Variants in ANKS1B observed in about 807,000 individuals in gnomAD.
ANKS1B encodes the protein ankyrin repeat and sterile alpha motif domain containing 1B.
In ANKS1B, 36 loss-of-function variants were observed where a neutral mutation model predicts 148.3. The observed-to-expected ratio is 0.24, with a 90% CI of 0.19 to 0.32. The LOEUF is 0.32. Ranked by LOEUF, ANKS1B falls within the 10% of genes least tolerant of loss-of-function variation. The pLI is 1.00. For synonymous variants in ANKS1B, 542 were observed against 560.8 expected (o/e 0.97, Z 0.47); for missense variants, 1,157 against 1,542.6 (o/e 0.75, Z 4.19).
intron 11 of ANKS1B, among the ~76,000 whole-genome samples, chr12:99,423,008 G>A (rs918158393): frequency 6.6e-6 from 1 of 152,162 alleles, no homozygotes; most frequent in African/African-American, 2.4e-5. Context: ...GCAAAGTATT[G>A]AGGTAATTCC....
At chr12:98,769,287 C>G (rs2098537023) in intron 25 of ANKS1B, among the ~76,000 whole-genome samples, 1 of 136,564 alleles carries the variant, frequency 7.3e-6, no homozygotes, top group Non-Finnish European at 1.5e-5. Context: ...CATAAGGATA[C>G]AAAATCCATG....
At chr12:98,754,886 T>C (rs540043715) in intron 25 of ANKS1B, among the ~76,000 whole-genome samples, 1 of 152,360 alleles carries the variant, frequency 6.6e-6, no homozygotes, top group Non-Finnish European at 1.5e-5. Context: ...CCTAATGGCT[T>C]CTTCTGGTTC....
chr12:98,789,946 G>C (rs1342747674), intron 22 of ANKS1B, among the ~76,000 whole-genome samples: 3 of 152,102 alleles, frequency 2.0e-5, no homozygotes, highest in Non-Finnish European at 2.9e-5. Context: ...AATTGGTCTG[G>C]AGGATTACAC....
At chr12:99,931,113 G>C (rs2094602238) in intron 1 of ANKS1B, among the ~76,000 whole-genome samples, 1 of 151,970 alleles carries the variant, frequency 6.6e-6, no homozygotes, top group Non-Finnish European at 1.5e-5. Context: ...AACACTGCAT[G>C]TTCTCACTCA....
At chr12:98,869,721 A>G (rs1236322456) in intron 17 of ANKS1B, among the ~76,000 whole-genome samples, 2 of 151,986 alleles carry the variant, frequency 1.3e-5, no homozygotes. Context: ...ATATATGTAT[A>G]TATATAAACG....
At chr12:99,803,574 T>C (rs1011529452) in intron 4 of ANKS1B, among the ~76,000 whole-genome samples, 1 of 152,142 alleles carries the variant, frequency 6.6e-6, no homozygotes, top group Non-Finnish European at 1.5e-5. Context: ...TTTCTTCTGA[T>C]ATGTGAAGAA....
intron 26 of ANKS1B, among the ~76,000 whole-genome samples, chr12:98,747,568 T>C (rs972731660): frequency 1.3e-5 from 2 of 152,078 alleles, no homozygotes; most frequent in Non-Finnish European, 2.9e-5. Context: ...AAACTAAAAA[T>C]TGAGCTACCA....
At chr12:99,260,794 T>TA (rs888024616) in intron 12 of ANKS1B, among the ~76,000 whole-genome samples, 1 of 152,138 alleles carries the variant, frequency 6.6e-6, no homozygotes, top group African/African-American at 2.4e-5. Flanking sequence ...ACATGACCCT[T>TA]CAACCAATTA....
chr12:99,639,909 C>T (rs2098283932), intron 9 of ANKS1B, among the ~76,000 whole-genome samples: 1 of 152,170 alleles, frequency 6.6e-6, no homozygotes, highest in Non-Finnish European at 1.5e-5. Context: ...TGGTGGCTCA[C>T]ATCTGTAATC....
chr12:99,419,103 T>C (rs1379510324), intron 11 of ANKS1B, among the ~76,000 whole-genome samples: 2 of 152,180 alleles, frequency 1.3e-5, no homozygotes, highest in African/African-American at 4.8e-5. Context: ...GTATGTGGAA[T>C]TGGGAATACT....
At chr12:99,909,229 T>C (rs887307455) in intron 1 of ANKS1B, among the ~76,000 whole-genome samples, 1 of 140,880 alleles carries the variant, frequency 7.1e-6, no homozygotes, top group Non-Finnish European at 1.5e-5. Context: ...TGTGTGTGTG[T>C]GTGTGTGTGT....
intron 12 of ANKS1B, among the ~76,000 whole-genome samples, chr12:99,318,371 A>G (rs1158324868): frequency 6.6e-6 from 1 of 152,064 alleles, no homozygotes; most frequent in African/African-American, 2.4e-5. Flanking sequence ...CAGGGATTCA[A>G]CTTCTTCCTG....
rs576506704 is a variant in ANKS1B, at chr12:99,182,670, T to C, written c.2420-28275A>G. On this transcript the variant is annotated intron_variant, in intron 14 of 26. Coordinates refer to ENST00000683438, the MANE Select transcript of ANKS1B (RefSeq NM_001352186.2). ...ATATTGATTTCCTTTCTTTTGGGTA[T>C]ATACCTAGGAGTGGGATTACTAGAT... Among the ~76,000 whole-genome samples the C allele has an allele frequency of 2.0e-5, 3 of 152,298 alleles. No homozygotes were observed. In the East Asian group the frequency reaches 5.8e-4, roughly 29 times the overall value.
At chr12:98,857,505 CAT>C (rs113016029) in intron 17 of ANKS1B, among the ~76,000 whole-genome samples, 14,536 of 151,764 alleles carry the variant, frequency 0.096, 1,184 homozygotes, top group East Asian at 0.21. Context: ...AAAAGGGACA[CAT>C]GTTTCTCTGA....
intron 4 of ANKS1B, among the ~76,000 whole-genome samples, chr12:99,804,801 C>T (rs527463862): frequency 6.6e-6 from 1 of 152,220 alleles, no homozygotes; most frequent in Non-Finnish European, 1.5e-5. Flanking sequence ...GCAAACATGG[C>T]AGAAGTGAAG....
intron 1 of ANKS1B, among the ~76,000 whole-genome samples, chr12:99,968,191 T>C (rs991756485): frequency 7.9e-5 from 12 of 152,100 alleles, no homozygotes; most frequent in African/African-American, 2.7e-4. Flanking sequence ...TTGACAAAAG[T>C]CCCTGAATTA....
At chr12:99,507,185 A>C (rs749114771) in intron 9 of ANKS1B, among the ~76,000 whole-genome samples, 2 of 151,970 alleles carry the variant, frequency 1.3e-5, no homozygotes, top group African/African-American at 2.4e-5. Context: ...CTGAGATTAC[A>C]ACGATAAGAT....
chr12:99,735,614 T>C (rs12371121), intron 8 of ANKS1B, among the ~76,000 whole-genome samples: 34,941 of 151,632 alleles, frequency 0.23, 4,561 homozygotes, highest in Non-Finnish European at 0.31. Context: ...ACTGAATCTG[T>C]AATAAAAAGC....
At chr12:99,531,746 AGATGTG>A in intron 9 of ANKS1B, among the ~76,000 whole-genome samples, 1 of 152,218 alleles carries the variant, frequency 6.6e-6, no homozygotes, top group African/African-American at 2.4e-5. Context: ...AATAGATGGT[AGATGTG>A]CTTTTAGTTC....
Sources: gnomAD v4.1 joint callset for allele counts (sites outside exome capture counted in the v4.1 genomes callset) on GRCh38, gnomAD v4.1.1 for gene constraint, MANE v1.5 for transcripts, NCBI Gene and HGNC (gene_info 2026-07-23, HGNC 2026-07-21) for gene names.